The following LRRC75A variants were observed in gnomAD, a reference collection of about 807,000 sequenced individuals.
LRRC75A encodes leucine rich repeat containing 75A.
Under a neutral mutation model 26.0 loss-of-function variants are expected in LRRC75A, and 12 were observed. The ratio of observed to expected loss-of-function variants is 0.46; its 90% confidence interval spans 0.30 to 0.75. LRRC75A has a LOEUF of 0.75. Ranked by LOEUF, LRRC75A falls within the 30% of genes least tolerant of loss-of-function variation. The pLI is 0.08. For missense variants in LRRC75A, 410 were observed against 486.6 expected (o/e 0.84, Z 1.48); for synonymous variants, 223 against 219.3 (o/e 1.02, Z -0.15).
At chr17:16,456,320 A>AG (rs2093682835) in intron 2 of LRRC75A, among the ~76,000 whole-genome samples, 1 of 52,186 alleles carries the variant, frequency 1.9e-5, no homozygotes, top group African/African-American at 9.5e-5. Flanking sequence ...GAGGAAGAGG[A>AG]GAAGAAGGAA....
At chr17:16,485,860 G>A (rs555013338) in intron 1 of LRRC75A, among the ~76,000 whole-genome samples, 14 of 151,838 alleles carry the variant, frequency 9.2e-5, no homozygotes, top group Non-Finnish European at 1.9e-4. Context: ...GAAGACCCTG[G>A]TCACTGGATA....
intron 3 of LRRC75A, among the ~76,000 whole-genome samples, chr17:16,445,785 C>T (rs1322148274): frequency 1.3e-5 from 2 of 152,226 alleles, no homozygotes; most frequent in Admixed American, 6.5e-5. Flanking sequence ...AATAAAGACC[C>T]ATTCCACCAG....
Position 16,441,975 on chromosome 17 carries a change from T to TA in LRRC75A, c.*1612dup, listed in dbSNP as rs2093530673. Reference sequence around the variant, plus strand: ...CTCCTGAAATGTTTTTTCATGCAGTTACCATGAACTAATACTACAATAAAG... The same window carrying TA: ...CTCCTGAAATGTTTTTTCATGCAGTTAACCATGAACTAATACTACAATAAAG... On this transcript the variant is annotated 3_prime_UTR_variant, in exon 4 of 4. Transcript: ENST00000470794. 1 of 153,172 alleles carries TA rather than the reference T, an allele frequency of 6.5e-6. No homozygotes were observed. The highest frequency in any genetic ancestry group is 2.4e-5 in the African/African-American group (1 of 41,462). 9.5% of individuals were successfully genotyped at this position (153,172 alleles called of 1,614,324 possible).
chr17:16,481,613 C>T (rs549404310), intron 1 of LRRC75A, among the ~76,000 whole-genome samples: 1 of 152,258 alleles, frequency 6.6e-6, no homozygotes, highest in East Asian at 1.9e-4. Flanking sequence ...TGGCTACCCC[C>T]TGCCTCCCCC....
intron 2 of LRRC75A, among the ~76,000 whole-genome samples, chr17:16,460,354 G>A (rs1465411718): frequency 6.6e-6 from 1 of 152,216 alleles, no homozygotes; most frequent in African/African-American, 2.4e-5. Context: ...CAGATGGAAA[G>A]GGAAGATCAG....
chr17:16,445,227 G>A (rs901346644), intron 3 of LRRC75A, among the ~76,000 whole-genome samples: 2 of 135,982 alleles, frequency 1.5e-5, no homozygotes, highest in South Asian at 2.4e-4. Flanking sequence ...GTGCAGTGGC[G>A]CCATTTCTGC....
intron 1 of LRRC75A, among the ~76,000 whole-genome samples, chr17:16,488,270 C>A (rs1014311845): frequency 1.3e-5 from 2 of 152,232 alleles, no homozygotes; most frequent in Non-Finnish European, 2.9e-5. Flanking sequence ...TGGCCTCTCC[C>A]ATCCAAAGCT....
intron 2 of LRRC75A, among the ~76,000 whole-genome samples, chr17:16,458,158 T>C (rs577663514): frequency 3.9e-5 from 6 of 152,046 alleles, no homozygotes; most frequent in Admixed American, 3.9e-4. Flanking sequence ...TACAAAACAT[T>C]AGCCAGTTGT....
At chr17:16,466,723 G>A (rs1330214281) in intron 1 of LRRC75A, among the ~76,000 whole-genome samples, 1 of 152,168 alleles carries the variant, frequency 6.6e-6, no homozygotes, top group Non-Finnish European at 1.5e-5. Context: ...AAAGAAGGGG[G>A]CCCTACATAA....
intron 1 of LRRC75A, among the ~76,000 whole-genome samples, chr17:16,481,004 C>T (rs910962813): frequency 2.6e-5 from 4 of 152,352 alleles, no homozygotes; most frequent in South Asian, 4.1e-4. Context: ...GGGCTGTGTG[C>T]GCCTCTGTCA....
At chr17:16,489,940 G>A (rs974854978) in intron 1 of LRRC75A, among the ~76,000 whole-genome samples, 1 of 150,386 alleles carries the variant, frequency 6.6e-6, no homozygotes, top group African/African-American at 2.4e-5. Context: ...ATGTGCAGAT[G>A]TCTGAGGAAA....
At position 16,441,754 on chromosome 17, in the gene LRRC75A, C is replaced by T. The variant is rs1006420520; in HGVS notation, c.*1834G>A. Reference sequence around the variant, plus strand: ...TTTTTTTTTTGTTGAGACGGATTCTCTATGTTGCCCAGGCTGGTCTCAGGC... The same window carrying T: ...TTTTTTTTTTGTTGAGACGGATTCTTTATGTTGCCCAGGCTGGTCTCAGGC... On this transcript the variant is annotated 3_prime_UTR_variant, in exon 4 of 4. Coordinates refer to ENST00000470794, the MANE Select transcript of LRRC75A (RefSeq NM_001113567.3). 1 of 232,080 alleles carries T rather than the reference C, an allele frequency of 4.3e-6. No homozygotes were observed. Among genetic ancestry groups the T allele is most frequent in the African/African-American group, 2.3e-5 (1 of 43,210 alleles). 14.4% of individuals were successfully genotyped at this position (232,080 alleles called of 1,614,324 possible).
In LRRC75A at chr17:16,449,278, T is replaced by C. The variant is rs146190594; in HGVS notation, c.376-1318A>G. ...CACCCCTCTGCTAGTGGACAAGCAGTGTATTGAGTAGTGAAGAGCAAAGAC... is the reference window on the plus strand; with the variant it reads ...CACCCCTCTGCTAGTGGACAAGCAGCGTATTGAGTAGTGAAGAGCAAAGAC... On this transcript the variant is annotated intron_variant, in intron 2 of 3. Coordinates refer to ENST00000470794, the MANE Select transcript of LRRC75A (RefSeq NM_001113567.3). Among the ~76,000 whole-genome samples the C allele has an allele frequency of 2.9e-3, 449 of 152,276 alleles. 1 individual carries two copies. Among genetic ancestry groups the C allele is most frequent in the African/African-American group, 0.01 (420 of 41,544 alleles).
intron 1 of LRRC75A, among the ~76,000 whole-genome samples, chr17:16,477,585 G>A (rs1453135400): frequency 1.3e-5 from 2 of 152,234 alleles, no homozygotes; most frequent in Non-Finnish European, 2.9e-5. Context: ...CTTTCCCCAA[G>A]ACCTTTCAAA....
chr17:16,491,655 C>G lies in LRRC75A; in HGVS notation c.246+90G>C, dbSNP rs562005963. ...CCCTGGGCGGTGCCCCTCGGTGCCC[C>G]CGGCTTCCTCGGTTAGGGATGGGGC... On this transcript the variant is annotated intron_variant, in intron 1 of 3. Transcript: ENST00000470794. The surrounding 1 kb of genome is among the most constrained non-coding windows in gnomAD (Gnocchi z 5.9). The G allele has an allele frequency of 2.3e-4, 230 of 1,017,918 alleles. 2 individuals carry two copies. The South Asian group carries it at 8.5e-3, about 38-fold the overall frequency. 63.1% of individuals were successfully genotyped at this position (1,017,918 alleles called of 1,614,324 possible). A position where few individuals can be genotyped will look rare whatever the true frequency, so the allele number is the denominator to read the frequency against.
intron 1 of LRRC75A, among the ~76,000 whole-genome samples, chr17:16,467,297 G>A (rs565640602): frequency 1.3e-5 from 2 of 152,322 alleles, no homozygotes; most frequent in South Asian, 2.1e-4. Context: ...GGGACTACAA[G>A]CGTGAGGCAC....
rs563014421 is a variant in LRRC75A, at chr17:16,476,769, T to C, written c.247-14383A>G. On this transcript the variant is annotated intron_variant, in intron 1 of 3. Coordinates refer to ENST00000470794, the MANE Select transcript of LRRC75A (RefSeq NM_001113567.3). ...TTTTTTTTTTTTTGAGACAGAGTCT[T>C]GCTCTATCACCCAGGCTGGAGTGCA... 5.4e-3 allele frequency among the ~76,000 whole-genome samples: 730 copies of C among 136,398 alleles called. 7 individuals carry two copies. The highest frequency in any genetic ancestry group is 0.021 in the South Asian group (86 of 4,026). 89.5% of individuals were successfully genotyped at this position (136,398 alleles called of 152,430 possible).
intron 1 of LRRC75A, among the ~76,000 whole-genome samples, chr17:16,481,685 G>A (rs1384157749): frequency 1.3e-5 from 2 of 152,090 alleles, no homozygotes; most frequent in Non-Finnish European, 1.5e-5. Context: ...ATTCAGCACA[G>A]GAGGGGAGAC....
intron 1 of LRRC75A, among the ~76,000 whole-genome samples, chr17:16,473,150 T>TGCGC (rs543311297): frequency 1.3e-5 from 2 of 151,422 alleles, no homozygotes; most frequent in African/African-American, 4.9e-5. Flanking sequence ...TGTGTGTGTG[T>TGCGC]GCGCGCGCGC....
Sources: allele counts gnomAD v4.1 joint callset (sites outside exome capture counted in the v4.1 genomes callset), GRCh38; gene constraint gnomAD v4.1.1; non-coding constraint Gnocchi (gnomAD v3.1); transcripts MANE v1.5; gene names NCBI Gene and HGNC (gene_info 2026-07-23, HGNC 2026-07-21).